TENT5A: variants seen among roughly 807,000 people sequenced by gnomAD.
TENT5A encodes HBV X-transactivated gene 11 protein.
TENT5A carries 9 observed loss-of-function variants against 30.2 expected under a neutral mutation model. The observed-to-expected ratio is 0.30, with a 90% CI of 0.18 to 0.52. The LOEUF (loss-of-function observed/expected upper bound fraction) is 0.52. Among genes scored for constraint, TENT5A ranks in the 20% least tolerant of loss-of-function variants. The probability of loss-of-function intolerance (pLI) is 0.97; values close to 1 mark genes in which losing one functional copy is unlikely to be tolerated. For synonymous variants in TENT5A, 264 were observed against 234.2 expected (o/e 1.13, Z -1.16); for missense variants, 411 against 566.1 (o/e 0.73, Z 2.78).
Position 81,752,486 on chromosome 6 carries a change from G to A in TENT5A, c.-93C>T, listed in dbSNP as rs905798112. 8 of 1,531,596 alleles carry A rather than the reference G, an allele frequency of 5.2e-6. No individual in the cohort carries two copies. The highest frequency in any genetic ancestry group is 4.1e-5 in the African/African-American group (3 of 72,586). 94.9% of individuals were successfully genotyped at this position (1,531,596 alleles called of 1,614,324 possible). On this transcript the variant is annotated 5_prime_UTR_variant, in exon 1 of 3. Transcript: ENST00000320172. ...GCGAGCGAGAGCGAAACCGAGAGGC[G>A]GCAACACTTCCAGGAGCTGCGAGCG...
chr6:81,747,788 G>GC lies in TENT5A; in HGVS notation c.*1906dup. 2 of 985,796 alleles carry GC rather than the reference G, an allele frequency of 2.0e-6. No homozygotes were observed. The highest frequency in any genetic ancestry group is 1.2e-6 in the Non-Finnish European group (1 of 829,878). 61.1% of individuals were successfully genotyped at this position (985,796 alleles called of 1,614,324 possible). A position where few individuals can be genotyped will look rare whatever the true frequency, so the allele number is the denominator to read the frequency against. ...TAGTTTTGTTTTGTTTTTAACAAAT[G>GC]CATTTTCAGAGACCAGTATCTAGAG... On this transcript the variant is annotated 3_prime_UTR_variant, in exon 3 of 3. Coordinates refer to ENST00000320172, the MANE Select transcript of TENT5A (RefSeq NM_017633.3).
Position 81,750,072 on chromosome 6 carries a change from T to C in TENT5A, c.952A>G (p.Met318Val). 6.2e-7 allele frequency: 1 copy of C among 1,614,210 alleles called. No individual in the cohort carries two copies. The highest frequency in any genetic ancestry group is 8.5e-7 in the Non-Finnish European group (1 of 1,180,030). Reference protein sequence around the residue: ...SDEIKTLQRYMCSRFFIDFSD... With the variant: ...SDEIKTLQRYVCSRFFIDFSD... ...AAGTCGATGAAAAACCTGGAACACA[T>C]ATACCTTTGAAGGGTCTTGATTTCA... The change falls in exon 3 of 3, where the codon ATG becomes GTG. Residue 318 changes from methionine to valine, a missense_variant. Around this residue, in one of 5 missense-constraint regions of TENT5A, gnomAD observed 135 missense variants for 240.0 expected, o/e 0.56. Transcript: ENST00000320172. The surrounding 1 kb of genome is among the most constrained non-coding windows in gnomAD (Gnocchi z 4.2).
intron 1 of TENT5A, 123 bp downstream of exon 1, chr6:81,752,308 C>A: frequency 1.3e-6 from 2 of 1,533,676 alleles, no homozygotes; most frequent in Non-Finnish European, 1.8e-6. Flanking sequence ...CGGGCCTCCT[C>A]GGAGACTCCC....
rs533365851 is a variant in TENT5A, at chr6:81,751,791, G to A, written c.351C>T (p.Asp117=). 8.1e-6 allele frequency: 13 copies of A among 1,612,892 alleles called. No individual in the cohort carries two copies. In the African/African-American group the frequency reaches 1.6e-4, roughly 20 times the overall value. Residue 117 remains aspartate (D), a synonymous_variant, in exon 2 of 3, where the codon GAC becomes GAT. Transcript: ENST00000320172. ...TGGCTGCCGAGCCGTTGAGGCGCACGTCGCGGACGCCAATGCGCTTCTCGG... is the reference window on the plus strand; with the variant it reads ...TGGCTGCCGAGCCGTTGAGGCGCACATCGCGGACGCCAATGCGCTTCTCGG... The part of the protein sequence containing the change: ...RLAEKRIGVR[D]VRLNGSAASH...
Position 81,748,398 on chromosome 6 carries a change from A to G in TENT5A, c.*1297T>C. On this transcript the variant is annotated 3_prime_UTR_variant, in exon 3 of 3. Coordinates refer to ENST00000320172, the MANE Select transcript of TENT5A (RefSeq NM_017633.3). Reference sequence around the variant, plus strand: ...ATGGCTCACCAAAGAAAAAAAAAAAAAGAAAAAAAAATCCCACTAAAACAG... The same window carrying G: ...ATGGCTCACCAAAGAAAAAAAAAAAGAGAAAAAAAAATCCCACTAAAACAG... 1 of 982,020 alleles carries G rather than the reference A, an allele frequency of 1.0e-6. No homozygotes were observed. Among genetic ancestry groups the G allele is most frequent in the Non-Finnish European group, 1.2e-6 (1 of 827,454 alleles). 60.8% of individuals were successfully genotyped at this position (982,020 alleles called of 1,614,324 possible).
chr6:81,749,562 A>T lies in TENT5A; in HGVS notation c.*133T>A. On this transcript the variant is annotated 3_prime_UTR_variant, in exon 3 of 3. Transcript: ENST00000320172. Reference sequence around the variant, plus strand: ...ATACATAAGCTTTGCCAAACTTAAAACCAGGAGCATATCATCATTGCACAA... The same window carrying T: ...ATACATAAGCTTTGCCAAACTTAAATCCAGGAGCATATCATCATTGCACAA... The T allele has an allele frequency of 7.0e-7, 1 of 1,419,452 alleles. No homozygotes were observed. Among genetic ancestry groups the T allele is most frequent in the South Asian group, 1.6e-5 (1 of 60,830 alleles). 87.9% of individuals were successfully genotyped at this position (1,419,452 alleles called of 1,614,324 possible).
At position 81,749,767 on chromosome 6, in the gene TENT5A, G is replaced by A; in HGVS notation, c.1257C>T (p.Tyr419=). The A allele has an allele frequency of 6.2e-7, 1 of 1,614,072 alleles. No individual in the cohort carries two copies. ...ATACTGGCTGAACCTGTGCAATGTA[G>A]TAATTGCTAAAGTTGGCATCTGCTA... is the stretch of plus-strand genomic sequence containing the variant. ...PYVADANFSN[Y]YIAQVQPVFT... The change falls in exon 3 of 3, where the codon TAC becomes TAT. Residue 419 remains tyrosine (Y), a synonymous_variant. Coordinates refer to ENST00000320172, the MANE Select transcript of TENT5A (RefSeq NM_017633.3).
rs1768928333 is a variant in TENT5A, at chr6:81,748,358, C to T, written c.*1337G>A. On this transcript the variant is annotated 3_prime_UTR_variant, in exon 3 of 3. Transcript: ENST00000320172. ...GTGCTCTGCCAAACAAATATTCTCC[C>T]ATTTGTGGAATTTTATGGCTCACCA... The T allele has an allele frequency of 1.0e-6, 1 of 978,302 alleles. No individual in the cohort carries two copies. Among genetic ancestry groups the T allele is most frequent in the South Asian group, 4.7e-5 (1 of 21,066 alleles). 60.6% of individuals were successfully genotyped at this position (978,302 alleles called of 1,614,324 possible).
chr6:81,752,630 G>C lies in TENT5A; in HGVS notation c.-237C>G, dbSNP rs1374747104. 1.4e-6 allele frequency: 1 copy of C among 722,144 alleles called. No homozygotes were observed. The highest frequency in any genetic ancestry group is 2.0e-5 in the Admixed American group (1 of 50,008). The allele number at this position is 722,144 out of a possible 1,614,324, so 44.7% of individuals were successfully genotyped here. On this transcript the variant is annotated 5_prime_UTR_variant, in exon 1 of 3. Transcript: ENST00000320172. ...CCCCAGCTGCGGTGGTCCCGAACTG[G>C]CGGCTCTTGCTGCCACACACGCTCG... is the stretch of plus-strand genomic sequence containing the variant.
rs1768914241 is a variant in TENT5A at position 81,747,688 on chromosome 6, T to G, written c.*2007A>C. On this transcript the variant is annotated 3_prime_UTR_variant, in exon 3 of 3. Transcript: ENST00000320172. ...TAATTGGGTCTTCGAGGAATTATCA[T>G]AGCAAGCAGTCATCCACTAAGGTTG... 1 of 985,696 alleles carries G rather than the reference T, an allele frequency of 1.0e-6. No individual in the cohort carries two copies. The highest frequency in any genetic ancestry group is 1.2e-6 in the Non-Finnish European group (1 of 829,884). 61.1% of individuals were successfully genotyped at this position (985,696 alleles called of 1,614,324 possible). A position where few individuals can be genotyped will look rare whatever the true frequency, so the allele number is the denominator to read the frequency against.
chr6:81,752,295 C>T lies in TENT5A; in HGVS notation c.-37-117G>A, dbSNP rs1769063495. The T allele has an allele frequency of 6.5e-6, 10 of 1,528,052 alleles. No individual in the cohort carries two copies. In the South Asian group the frequency reaches 1.2e-4, roughly 19 times the overall value. 94.7% of individuals were successfully genotyped at this position (1,528,052 alleles called of 1,614,324 possible). A position where few individuals can be genotyped will look rare whatever the true frequency, so the allele number is the denominator to read the frequency against. On this transcript the variant is annotated intron_variant, in intron 1 of 2. Coordinates refer to ENST00000320172, the MANE Select transcript of TENT5A (RefSeq NM_017633.3). ...GCCCCCTCCCCCGATAGTTCCCTGA[C>T]CCCGGGCCTCCTCGGAGACTCCCTC...
In TENT5A at chr6:81,752,196, G is replaced by A. The variant is rs1172214133; in HGVS notation, c.-37-18C>T. On this transcript the variant is annotated intron_variant, in intron 1 of 2. Coordinates refer to ENST00000320172, the MANE Select transcript of TENT5A (RefSeq NM_017633.3). The stretch of plus-strand genomic sequence containing the variant: ...GGTCAGTCCTAAAAAGAAAGGGAAA[G>A]GAGCGCGGTGAGGACGCGCGGCGGC... 1 of 1,481,274 alleles carries A rather than the reference G, an allele frequency of 6.8e-7. No individual in the cohort carries two copies. Among genetic ancestry groups the A allele is most frequent in the Non-Finnish European group, 8.9e-7 (1 of 1,118,342 alleles). The allele number at this position is 1,481,274 out of a possible 1,614,324, so 91.8% of individuals were successfully genotyped here. A position where few individuals can be genotyped will look rare whatever the true frequency, so the allele number is the denominator to read the frequency against.
rs759095790 is a variant in TENT5A at position 81,746,876 on chromosome 6, G to C, written c.*2819C>G. 9.1e-7 allele frequency: 1 copy of C among 1,095,832 alleles called. No homozygotes were observed. The highest frequency in any genetic ancestry group is 1.1e-6 in the Non-Finnish European group (1 of 902,310). 67.9% of individuals were successfully genotyped at this position (1,095,832 alleles called of 1,614,324 possible). On this transcript the variant is annotated 3_prime_UTR_variant, in exon 3 of 3. Transcript: ENST00000320172. Reference sequence around the variant, plus strand: ...TGTGTGTTCAACTACATATGCACAAGACTATAGTACACACAAAATAGAAAT... The same window carrying C: ...TGTGTGTTCAACTACATATGCACAACACTATAGTACACACAAAATAGAAAT...
In TENT5A at chr6:81,747,769, T is replaced by C. The variant is rs957458559; in HGVS notation, c.*1926A>G. 17 of 985,760 alleles carry C rather than the reference T, an allele frequency of 1.7e-5. No homozygotes were observed. In the African/African-American group the frequency reaches 2.4e-4, roughly 14 times the overall value. 61.1% of individuals were successfully genotyped at this position (985,760 alleles called of 1,614,324 possible). A position where few individuals can be genotyped will look rare whatever the true frequency, so the allele number is the denominator to read the frequency against. On this transcript the variant is annotated 3_prime_UTR_variant, in exon 3 of 3. Coordinates refer to ENST00000320172, the MANE Select transcript of TENT5A (RefSeq NM_017633.3). ...AGGGAAGGTTCTTATGTGTTAGTTT[T>C]GTTTTGTTTTTAACAAATGCATTTT... is the stretch of plus-strand genomic sequence containing the variant.
chr6:81,749,887 G>T lies in TENT5A; in HGVS notation c.1137C>A (p.Asn379Lys), dbSNP rs138858550. ...LMGHERRQTL[N>K]LITMLAIRVL... The stretch of plus-strand genomic sequence containing the variant: ...CCCGGATAGCCAGCATGGTGATAAG[G>T]TTTAAAGTCTGTCTTCTTTCATGTC... Residue 379 changes from asparagine (N) to lysine (K), a missense_variant, in exon 3 of 3, where the codon AAC (asparagine) becomes AAA (lysine). Asn to Lys is a moderately conservative substitution (Grantham distance 94). Transcript: ENST00000320172. 1.2e-6 allele frequency: 2 copies of T among 1,614,108 alleles called. No homozygotes were observed. The highest frequency in any genetic ancestry group is 2.2e-5 in the East Asian group (1 of 44,872).
At position 81,747,629 on chromosome 6, in the gene TENT5A, C is replaced by G; in HGVS notation, c.*2066G>C. On this transcript the variant is annotated 3_prime_UTR_variant, in exon 3 of 3. Transcript: ENST00000320172. ...CCAACAGGAGGATATTTTTTTCTCCCGTGGTCTCTCTTTAACTGATGATGA... is the reference window on the plus strand; with the variant it reads ...CCAACAGGAGGATATTTTTTTCTCCGGTGGTCTCTCTTTAACTGATGATGA... 1.0e-6 allele frequency: 1 copy of G among 985,640 alleles called. No individual in the cohort carries two copies. The highest frequency in any genetic ancestry group is 1.2e-6 in the Non-Finnish European group (1 of 829,824). 61.1% of individuals were successfully genotyped at this position (985,640 alleles called of 1,614,324 possible). A position where few individuals can be genotyped will look rare whatever the true frequency, so the allele number is the denominator to read the frequency against.
chr6:81,746,341 C>T lies in TENT5A; in HGVS notation c.*3354G>A. 8.2e-7 allele frequency: 1 copy of T among 1,225,116 alleles called. No homozygotes were observed. The highest frequency in any genetic ancestry group is 1.6e-5 in the African/African-American group (1 of 64,334). The allele number at this position is 1,225,116 out of a possible 1,614,324, so 75.9% of individuals were successfully genotyped here. On this transcript the variant is annotated 3_prime_UTR_variant, in exon 3 of 3. Coordinates refer to ENST00000320172, the MANE Select transcript of TENT5A (RefSeq NM_017633.3). ...TATTTAACAAGCGTTGCATTGAAAACAACTTTATGCACAGTGAAGCAACCA... is the reference window on the plus strand; with the variant it reads ...TATTTAACAAGCGTTGCATTGAAAATAACTTTATGCACAGTGAAGCAACCA...
At position 81,748,625 on chromosome 6, in the gene TENT5A, A is replaced by T; in HGVS notation, c.*1070T>A. On this transcript the variant is annotated 3_prime_UTR_variant, in exon 3 of 3. Transcript: ENST00000320172. ...GTCAATCTACTGTGTATATATACAT[A>T]TAAAATGTATATATAAAATGTATAT... is the stretch of plus-strand genomic sequence containing the variant. 9.2e-6 allele frequency: 8 copies of T among 868,284 alleles called. No homozygotes were observed. Among genetic ancestry groups the T allele is most frequent in the Non-Finnish European group, 1.1e-5 (8 of 723,024 alleles). The allele number at this position is 868,284 out of a possible 1,614,324, so 53.8% of individuals were successfully genotyped here.
In TENT5A at chr6:81,749,635, T is replaced by C. The variant is rs532380636; in HGVS notation, c.*60A>G. 2.7e-6 allele frequency: 4 copies of C among 1,474,904 alleles called. No individual in the cohort carries two copies. Among genetic ancestry groups the C allele is most frequent in the South Asian group, 1.5e-5 (1 of 67,566 alleles). The allele number at this position is 1,474,904 out of a possible 1,614,324, so 91.4% of individuals were successfully genotyped here. On this transcript the variant is annotated 3_prime_UTR_variant, in exon 3 of 3. Transcript: ENST00000320172. ...GATCACTCTTTTTTTTTTCTTTTTT[T>C]TTTTTTTCTCTCCTGTCTTGTCTGA...
Sources: allele counts gnomAD v4.1 joint callset, GRCh38; gene constraint gnomAD v4.1.1; regional missense constraint gnomAD v4.1.1; non-coding constraint Gnocchi (gnomAD v3.1); transcripts MANE v1.5; gene names NCBI Gene and HGNC (gene_info 2026-07-23, HGNC 2026-07-21).